The following NFRKB variants were observed in gnomAD, a reference collection of about 807,000 sequenced individuals.
NFRKB encodes nuclear factor related to kappaB binding protein.
Under a neutral mutation model 135.7 loss-of-function variants are expected in NFRKB, and 62 were observed. The observed-to-expected ratio is 0.46, with a 90% CI of 0.37 to 0.56. The LOEUF is 0.56. NFRKB is among the 20% of genes least tolerant of loss of function. NFRKB has a pLI of 0.00. For missense variants in NFRKB, 1,545 were observed against 1,662.0 expected, an observed-to-expected ratio of 0.93 and a Z score of 1.22; for synonymous variants, 678 against 635.6, an observed-to-expected ratio of 1.07 and a Z score of -1.00.
In NFRKB at chr11:129,866,001, T is replaced by G. The variant is rs1948174286; in HGVS notation, c.3532-18A>C. On this transcript the variant is annotated intron_variant, in intron 24 of 26. Coordinates refer to ENST00000682444, the MANE Select transcript of NFRKB (RefSeq NM_001143835.2). ...AACTTCCCCTAGAAAAAAAAAGCAG[T>G]CAGGTTTTGTAAGACAGGAGGTAAG... 6.3e-7 allele frequency: 1 copy of G among 1,575,018 alleles called. No individual in the cohort carries two copies. The highest frequency in any genetic ancestry group is 8.6e-7 in the Non-Finnish European group (1 of 1,162,360).
chr11:129,878,353 T>C lies in NFRKB; in HGVS notation c.1467A>G (p.Gln489=). The change falls in exon 15 of 27, where the codon CAA becomes CAG. Residue 489 remains glutamine, a splice_region_variant and synonymous_variant. Coordinates refer to ENST00000682444, the MANE Select transcript of NFRKB (RefSeq NM_001143835.2). ...LETKDQAFCK[Q]ENEDSSDATT... is the part of the protein sequence containing the mutation. ...TGGCATCTGAGCTGTCTTCATTTTC[T>C]TGCTGGAGAAAAAGAAAACGTTGAC... is the stretch of plus-strand genomic sequence containing the variant. 2 of 1,614,220 alleles carry C rather than the reference T, an allele frequency of 1.2e-6. No homozygotes were observed. Among genetic ancestry groups the C allele is most frequent in the Non-Finnish European group, 1.7e-6 (2 of 1,180,038 alleles).
At chr11:129,887,870 T>C (rs1949353796) in intron 4 of NFRKB, among the ~76,000 whole-genome samples, 1 of 152,188 alleles carries the variant, frequency 6.6e-6, no homozygotes, top group African/African-American at 2.4e-5. Context: ...ACCCTGTCTC[T>C]ACTAAAAACA....
chr11:129,878,520 C>G lies in NFRKB; in HGVS notation c.1408G>C (p.Glu470Gln), dbSNP rs761801364. ...CATAGCTGGAAGAGGGCAGCTAATT[C>G]CTTTTCATTATCTTGGGATTGGCCT... ...LLGQSQDNEK[E>Q]LAALFQLWLE... Residue 470 changes from glutamate (E) to glutamine (Q), a missense_variant, in exon 14 of 27, where the codon GAA becomes CAA. By Grantham distance (29) the Glu-to-Gln change is conservative. Around this residue, in one of 3 missense-constraint regions of NFRKB, gnomAD observed 678 missense variants for 646.7 expected, o/e 1.05. Transcript: ENST00000682444. 49 of 1,614,018 alleles carry G rather than the reference C, an allele frequency of 3.0e-5. No homozygotes were observed. In the South Asian group the frequency reaches 5.3e-4, roughly 17 times the overall value.
chr11:129,877,314 T>C lies in NFRKB; in HGVS notation c.1572+11A>G. ...AGAGGCAGAGACTTACACTGGCTTT[T>C]AGGTTCTTACCTGCTCCTGAAAAAC... On this transcript the variant is annotated intron_variant, in intron 16 of 26. Transcript: ENST00000682444. The C allele has an allele frequency of 6.2e-7, 1 of 1,614,000 alleles. No individual in the cohort carries two copies. The highest frequency in any genetic ancestry group is 1.1e-5 in the South Asian group (1 of 91,080).
rs765297824 is a variant in NFRKB at position 129,874,772 on chromosome 11, G to A, written c.1978+21C>T. 1.2e-6 allele frequency: 2 copies of A among 1,614,054 alleles called. No homozygotes were observed. Among genetic ancestry groups the A allele is most frequent in the African/African-American group, 1.3e-5 (1 of 74,930 alleles). ...AACGTATCCCCAGTCTGGTCGGACA[G>A]TGCCCAGAGGCCTCACACACCAAAC... On this transcript the variant is annotated intron_variant, in intron 19 of 26. Transcript: ENST00000682444. The surrounding 1 kb of genome is among the most constrained non-coding windows in gnomAD (Gnocchi z 4.5).
chr11:129,879,561 A>G (rs1237920352), intron 13 of NFRKB, among the ~76,000 whole-genome samples: 1 of 152,140 alleles, frequency 6.6e-6, no homozygotes, highest in African/African-American at 2.4e-5. Context: ...TCTTTTAGGA[A>G]CTATGGAGGC....
At position 129,870,162 on chromosome 11, in the gene NFRKB, G is replaced by A. The variant is rs1210504605; in HGVS notation, c.2863C>T (p.Leu955=). 1 of 1,614,224 alleles carries A rather than the reference G, an allele frequency of 6.2e-7. No homozygotes were observed. Among genetic ancestry groups the A allele is most frequent in the Admixed American group, 1.7e-5 (1 of 60,032 alleles). Residue 955 remains leucine, a synonymous_variant, in exon 24 of 27, where the codon CTG becomes TTG. Coordinates refer to ENST00000682444, the MANE Select transcript of NFRKB (RefSeq NM_001143835.2). The part of the protein sequence containing the change: ...FRIQGKDVLR[L]PPSSITTDAK... ...TCTGTGGTGATGGAAGAGGGCGGCA[G>A]ACGCAATACATCCTTACCCTGGATG...
At chr11:129,890,036 T>TA (rs1555094368) in intron 3 of NFRKB, among the ~76,000 whole-genome samples, 7 of 150,638 alleles carry the variant, frequency 4.6e-5, no homozygotes, top group African/African-American at 1.7e-4. Context: ...TTTGTTTTTT[T>TA]TTTTTGTTTT....
chr11:129,892,222 C>T (rs1016404644), intron 3 of NFRKB, among the ~76,000 whole-genome samples: 5 of 152,184 alleles, frequency 3.3e-5, no homozygotes, highest in African/African-American at 9.7e-5. Context: ...ATCCTTCCCC[C>T]CAAGTCCCCA....
In NFRKB at chr11:129,878,392, A is replaced by G. The variant is rs1948872942; in HGVS notation, c.1465-37T>C. The G allele has an allele frequency of 6.8e-6, 11 of 1,613,816 alleles. No individual in the cohort carries two copies. In the East Asian group the frequency reaches 2.2e-4, roughly 33 times the overall value. ...GAAAACGTTGACAGGTAAATGGACT[A>G]AAGAATTTGGGCAAACTTAAGAGCT... is the stretch of plus-strand genomic sequence containing the variant. On this transcript the variant is annotated intron_variant, in intron 14 of 26. Coordinates refer to ENST00000682444, the MANE Select transcript of NFRKB (RefSeq NM_001143835.2).
intron 5 of NFRKB, 142 bp downstream of exon 5, chr11:129,886,175 G>T: frequency 1.2e-6 from 1 of 852,478 alleles, no homozygotes; most frequent in Non-Finnish European, 1.9e-6. Context: ...AAGAAAGGAT[G>T]GCATAGCTTA....
chr11:129,869,628 T>C lies in NFRKB; in HGVS notation c.3397A>G (p.Ser1133Gly). ...GTCTTGGACACAGCAGCATTCATAC[T>C]GGGTAAGGACACCGCTGAAGTATGG... ...TVHTSAVSLP[S>G]MNAAVSKTVA... The change falls in exon 24 of 27, where the codon AGT becomes GGT. Residue 1133 changes from serine (S) to glycine (G), a missense_variant. By Grantham distance (56) the Ser-to-Gly change is moderately conservative. Coordinates refer to ENST00000682444, the MANE Select transcript of NFRKB (RefSeq NM_001143835.2). 1.2e-6 allele frequency: 2 copies of C among 1,614,210 alleles called. No individual in the cohort carries two copies. Among genetic ancestry groups the C allele is most frequent in the Non-Finnish European group, 1.7e-6 (2 of 1,180,042 alleles).
At chr11:129,890,705 A>C (rs1591536622) in intron 3 of NFRKB, among the ~76,000 whole-genome samples, 2 of 152,214 alleles carry the variant, frequency 1.3e-5, no homozygotes, top group East Asian at 1.9e-4. Flanking sequence ...GCTTGCAAAT[A>C]ATAAGCACTT....
At chr11:129,893,028 C>G in intron 2 of NFRKB, 158 bp from the exon 3 acceptor site, 6 of 1,460,074 alleles carry the variant, frequency 4.1e-6, no homozygotes, top group Non-Finnish European at 5.4e-6. Flanking sequence ...CTCCCTTTCA[C>G]CACAGCATTC....
chr11:129,882,404 C>A, intron 10 of NFRKB, 47 bp downstream of exon 10: 1 of 1,599,194 alleles, frequency 6.3e-7, no homozygotes. Context: ...CAGCCTATGG[C>A]TTACCCATTC....
chr11:129,888,829 A>G (rs1211488124), intron 3 of NFRKB, 34 bp from the exon 4 acceptor site: 4 of 1,580,928 alleles, frequency 2.5e-6, no homozygotes, highest in Non-Finnish European at 1.7e-6. Flanking sequence ...CAAAAGTAAA[A>G]TAAATTTTTG....
At chr11:129,865,194 C>G in intron 25 of NFRKB, 93 bp from the exon 26 acceptor site, 1 of 1,446,684 alleles carries the variant, frequency 6.9e-7, no homozygotes, top group South Asian at 1.3e-5. Context: ...ACAGGGAGGT[C>G]TGTGCCAATG....
At chr11:129,877,294 CAG>C (rs1565404840) in intron 16 of NFRKB, 29 bp downstream of exon 16, 12 of 1,610,444 alleles carry the variant, frequency 7.5e-6, no homozygotes, top group African/African-American at 1.3e-5. Flanking sequence ...CTCACAGAGG[CAG>C]AGACTTACAC....
intron 4 of NFRKB, among the ~76,000 whole-genome samples, chr11:129,886,896 C>T (rs1949304752): frequency 6.6e-6 from 1 of 152,210 alleles, no homozygotes; most frequent in Non-Finnish European, 1.5e-5. Flanking sequence ...ACAGTGCACC[C>T]TCAGCTGTAG....
Sources: allele counts gnomAD v4.1 joint callset (sites outside exome capture counted in the v4.1 genomes callset), GRCh38; gene constraint gnomAD v4.1.1; regional missense constraint gnomAD v4.1.1; non-coding constraint Gnocchi (gnomAD v3.1); transcripts MANE v1.5; gene names NCBI Gene and HGNC (gene_info 2026-07-23, HGNC 2026-07-21).